Variants in AKAP9 observed in about 807,000 individuals in gnomAD.
The protein encoded by AKAP9 is A-kinase anchor protein 9.
AKAP9 carries 311 observed loss-of-function variants against 488.5 expected under a neutral mutation model. That is an observed-to-expected ratio of 0.64 (90% CI 0.58 to 0.70). The LOEUF (loss-of-function observed/expected upper bound fraction) is 0.70, where lower values mean the gene tolerates loss of function less well. AKAP9 is among the 30% of genes least tolerant of loss of function. The pLI is 0.00. For synonymous variants in AKAP9, 1,462 were observed against 1,483.5 expected, an observed-to-expected ratio of 0.99 and a Z score of 0.33; for missense variants, 4,215 against 4,374.5, an observed-to-expected ratio of 0.96 and a Z score of 1.03.
intron 23 of AKAP9, 109 bp downstream of exon 23, chr7:92,061,531 A>G: frequency 8.8e-7 from 1 of 1,140,470 alleles, no homozygotes; most frequent in East Asian, 2.9e-5. Context: ...TAGAATGACC[A>G]TTAAAAAGTA....
chr7:92,063,267 G>A (rs757730637), intron 24 of AKAP9, among the ~76,000 whole-genome samples: 27 of 152,040 alleles, frequency 1.8e-4, no homozygotes, highest in Non-Finnish European at 2.9e-5. Flanking sequence ...TTTTAATATG[G>A]AAAGTATATG....
In AKAP9 at chr7:92,001,013, A is replaced by T. The variant is rs1165716443; in HGVS notation, c.1096A>T (p.Ile366Phe). The change falls in exon 8 of 50, where the codon ATT becomes TTT. Residue 366 changes from isoleucine to phenylalanine, a missense_variant. Transcript: ENST00000356239. ...ATTACTAGGAGAATTACAAGAACAGATTGTGCAAAAGAACCAAGAAATAAA... is the reference window on the plus strand; with the variant it reads ...ATTACTAGGAGAATTACAAGAACAGTTTGTGCAAAAGAACCAAGAAATAAA... ...DKLLGELQEQ[I>F]VQKNQEIKNM... The T allele has an allele frequency of 2.6e-6, 4 of 1,562,470 alleles. No homozygotes were observed. In the African/African-American group the frequency reaches 4.1e-5, roughly 16 times the overall value.
rs1790658875 is a variant in AKAP9 at position 91,940,901 on chromosome 7, T to C, written c.-199T>C. ...ACGAAGATGGCGGCGGCGGCGGCGG[T>C]GACGGCGCTTCCCGTGCGGCTGAGG... is the stretch of plus-strand genomic sequence containing the variant. On this transcript the variant is annotated 5_prime_UTR_variant, in exon 1 of 50. Coordinates refer to ENST00000356239, the MANE Select transcript of AKAP9 (RefSeq NM_005751.5). 4.8e-6 allele frequency: 3 copies of C among 621,044 alleles called. No individual in the cohort carries two copies. Among genetic ancestry groups the C allele is most frequent in the Admixed American group, 2.7e-5 (1 of 36,730 alleles). 38.5% of individuals were successfully genotyped at this position (621,044 alleles called of 1,614,324 possible). A position where few individuals can be genotyped will look rare whatever the true frequency, so the allele number is the denominator to read the frequency against.
intron 1 of AKAP9, among the ~76,000 whole-genome samples, chr7:91,956,129 G>A (rs867642087): frequency 4.0e-5 from 6 of 151,818 alleles, no homozygotes; most frequent in South Asian, 2.1e-4. Context: ...GGCTGGGCGC[G>A]GTGGCTCACG....
chr7:91,973,528 T>A (rs1383272310), intron 1 of AKAP9, among the ~76,000 whole-genome samples, 183 bp from the exon 2 acceptor site: 1 of 152,248 alleles, frequency 6.6e-6, no homozygotes, highest in Non-Finnish European at 1.5e-5. Context: ...AGTAGGTTTA[T>A]TCAGAAATGT....
chr7:92,004,888 C>G (rs191826546), intron 8 of AKAP9, among the ~76,000 whole-genome samples: 1 of 152,298 alleles, frequency 6.6e-6, no homozygotes, highest in East Asian at 1.9e-4. Flanking sequence ...GCATCCCTGT[C>G]TTGTGCCAGT....
At chr7:92,044,659 T>G (rs1806667211) in intron 20 of AKAP9, among the ~76,000 whole-genome samples, 1 of 152,210 alleles carries the variant, frequency 6.6e-6, no homozygotes, top group Admixed American at 6.5e-5. Context: ...GGCACTACCA[T>G]ACTTTTTAAA....
At chr7:91,975,616 T>A (rs1383900082) in intron 2 of AKAP9, among the ~76,000 whole-genome samples, 2 of 152,190 alleles carry the variant, frequency 1.3e-5, no homozygotes, top group African/African-American at 4.8e-5. Context: ...GTCGATGTTC[T>A]TTTTTCTTTT....
intron 14 of AKAP9, among the ~76,000 whole-genome samples, chr7:92,028,233 T>C: frequency 7.1e-6 from 1 of 141,016 alleles, no homozygotes; most frequent in East Asian, 2.1e-4. Flanking sequence ...CTCTCCACTA[T>C]TATCCTATGA....
intron 24 of AKAP9, chr7:92,063,316 C>T (rs956124160): frequency 8.1e-5 from 20 of 246,662 alleles, no homozygotes; most frequent in Non-Finnish European, 3.9e-5. Context: ...TGGAACTTCT[C>T]AAAATGTTAC....
intron 30 of AKAP9, 65 bp from the exon 31 acceptor site, chr7:92,079,012 TAA>T: frequency 8.7e-7 from 1 of 1,146,118 alleles, no homozygotes; most frequent in East Asian, 2.6e-5. Flanking sequence ...TGCCCTAAAA[TAA>T]AGTAAAATTT....
rs1810421552 is a variant in AKAP9 at position 92,064,418 on chromosome 7, A to G, written c.5978-813A>G. Among the ~76,000 whole-genome samples the G allele has an allele frequency of 2.0e-5, 3 of 152,300 alleles. No individual in the cohort carries two copies. In the South Asian group the frequency reaches 6.2e-4, roughly 32 times the overall value. On this transcript the variant is annotated intron_variant, in intron 24 of 49. Coordinates refer to ENST00000356239, the MANE Select transcript of AKAP9 (RefSeq NM_005751.5). Reference sequence around the variant, plus strand: ...TATATTAATAATATTAATAGCTAACACATAGTGCTTACCATACCTCAGACA... The same window carrying G: ...TATATTAATAATATTAATAGCTAACGCATAGTGCTTACCATACCTCAGACA...
At chr7:91,963,920 T>C (rs1033710265) in intron 1 of AKAP9, among the ~76,000 whole-genome samples, 3 of 152,138 alleles carry the variant, frequency 2.0e-5, no homozygotes, top group Non-Finnish European at 2.9e-5. Context: ...TTAATAGTTA[T>C]ATTAATACTA....
At chr7:92,005,157 A>G (rs1799666529) in intron 8 of AKAP9, among the ~76,000 whole-genome samples, 1 of 152,292 alleles carries the variant, frequency 6.6e-6, no homozygotes, top group African/African-American at 2.4e-5. Context: ...CTTGCATCCC[A>G]GGGATGAAGC....
At chr7:92,066,595 G>C (rs199779024) in intron 26 of AKAP9, 49 bp downstream of exon 26, 76 of 1,604,810 alleles carry the variant, frequency 4.7e-5, no homozygotes, top group Non-Finnish European at 1.9e-5. Context: ...TGTATCAAGT[G>C]TAAAATAAGA....
Position 92,040,881 on chromosome 7 carries a change from A to G in AKAP9, c.4900A>G (p.Asn1634Asp). 6.2e-7 allele frequency: 1 copy of G among 1,613,020 alleles called. No individual in the cohort carries two copies. The highest frequency in any genetic ancestry group is 8.5e-7 in the Non-Finnish European group (1 of 1,179,402). Residue 1634 changes from asparagine to aspartate, a missense_variant, in exon 18 of 50, where the codon AAT (asparagine) becomes GAT (aspartate). Physicochemically the swap from Asn to Asp is conservative, Grantham distance 23. Transcript: ENST00000356239. ...GCTACAAGAAGAGATTAAGAGACTT[A>G]ATAGACAATTAGCCCAGGTAAGGGT... ...EQLQEEIKRL[N>D]RQLAQRSSID...
intron 8 of AKAP9, among the ~76,000 whole-genome samples, 198 bp downstream of exon 8, chr7:92,003,433 C>G (rs1328325168): frequency 6.6e-6 from 1 of 151,694 alleles, no homozygotes; most frequent in African/African-American, 2.4e-5. Context: ...GCCTTTCTTT[C>G]AGTTAATCTA....
Position 92,079,246 on chromosome 7 carries a change from A to G in AKAP9, c.7113A>G (p.Ser2371=), listed in dbSNP as rs1563102121. The part of the protein sequence containing the change: ...QELANIGQKT[S]MNAHSLSEEA... ...TGGCAAATATTGGACAGAAGACATC[A>G]ATGAATGCTCATTCCCTCTCAGAAG... Residue 2371 remains serine (S), a synonymous_variant, in exon 31 of 50, where the codon TCA becomes TCG. Coordinates refer to ENST00000356239, the MANE Select transcript of AKAP9 (RefSeq NM_005751.5). The G allele has an allele frequency of 2.5e-6, 4 of 1,614,110 alleles. No individual in the cohort carries two copies. The highest frequency in any genetic ancestry group is 3.4e-6 in the Non-Finnish European group (4 of 1,179,996).
intron 2 of AKAP9, among the ~76,000 whole-genome samples, chr7:91,977,903 C>T (rs920827943): frequency 2.0e-5 from 3 of 152,070 alleles, no homozygotes; most frequent in Non-Finnish European, 4.4e-5. Flanking sequence ...ACAATATGCA[C>T]TTAATGAATA....
Sources: allele counts gnomAD v4.1 joint callset (sites outside exome capture counted in the v4.1 genomes callset), GRCh38; gene constraint gnomAD v4.1.1; transcripts MANE v1.5; gene names NCBI Gene and HGNC (gene_info 2026-07-23, HGNC 2026-07-21).